The following POLR2F variants were observed in gnomAD, a reference collection of about 807,000 sequenced individuals.
POLR2F encodes the protein RNA polymerase II, I and III subunit F, also known as DNA-directed RNA polymerases I, II, and III subunit RPABC2.
In POLR2F, 12 loss-of-function variants were observed where a neutral mutation model predicts 22.7. That is an observed-to-expected ratio of 0.53 (90% CI 0.34 to 0.86). The LOEUF (loss-of-function observed/expected upper bound fraction) is 0.86, where lower values mean the gene tolerates loss of function less well. Among genes scored for constraint, POLR2F ranks in the 40% least tolerant of loss-of-function variants. POLR2F has a pLI of 0.02. For missense variants in POLR2F, 126 were observed against 171.5 expected (o/e 0.73, Z 1.48); for synonymous variants, 57 against 66.0 (o/e 0.86, Z 0.66).
At chr22:38,008,959 G>A (rs1415222671) in intron 1 of POLR2F, among the ~76,000 whole-genome samples, 4 of 152,214 alleles carry the variant, frequency 2.6e-5, no homozygotes, top group Non-Finnish European at 4.4e-5. Context: ...CAGGAGTAGA[G>A]GGGACAGTGA....
chr22:37,992,583 C>T (rs777726627), intron 1 of POLR2F, among the ~76,000 whole-genome samples: 13 of 152,186 alleles, frequency 8.5e-5, no homozygotes, highest in South Asian at 2.1e-4. Context: ...TCAGTAGAGA[C>T]GGATGGGGTT....
At chr22:38,040,562 C>G (rs545185858) in intron 5 of POLR2F, 3 of 159,746 alleles carry the variant, frequency 1.9e-5, no homozygotes, top group South Asian at 3.6e-4. Context: ...GATTTGTGTT[C>G]TAGAAAGGTT....
At chr22:38,039,716 C>T (rs1276395405) in intron 5 of POLR2F, among the ~76,000 whole-genome samples, 3 of 152,240 alleles carry the variant, frequency 2.0e-5, no homozygotes, top group Admixed American at 6.5e-5. Flanking sequence ...GGCATTCCAG[C>T]CGCGCACAGA....
At chr22:37,983,828 G>A, upstream of POLR2F, 2 of 1,362,738 alleles carry the variant, frequency 1.5e-6, no homozygotes, top group Non-Finnish European at 1.9e-6. The surrounding 1 kb of genome is among the most constrained non-coding windows in gnomAD (Gnocchi z 9.5). Context: ...CGCCTCCCCC[G>A]GGCCAGCCGC....
intron 4 of POLR2F, among the ~76,000 whole-genome samples, chr22:37,977,265 C>A (rs565524934): frequency 1.1e-4 from 16 of 151,858 alleles, no homozygotes; most frequent in African/African-American, 3.9e-4. Context: ...GTCTTCTCCC[C>A]CTTTACTTGT....
Position 38,016,331 on chromosome 22 carries a change from T to C in POLR2F, c.121-9538T>C, listed in dbSNP as rs1490747923. Among the ~76,000 whole-genome samples the C allele has an allele frequency of 6.6e-6, 1 of 152,194 alleles. No individual in the cohort carries two copies. The highest frequency in any genetic ancestry group is 2.4e-5 in the African/African-American group (1 of 41,450). ...GGACAAAGCCCCGGCCCAAAGGCAT[T>C]TGGGAGCCTGCTCCTCCCTCTGTAC... On this transcript the variant is annotated intron_variant, in intron 1 of 2. Transcript: ENST00000333418. The surrounding 1 kb of genome is among the most constrained non-coding windows in gnomAD (Gnocchi z 4.4).
intron 5 of POLR2F, chr22:38,040,911 C>T (rs1396729096): frequency 5.2e-6 from 6 of 1,164,408 alleles, no homozygotes; most frequent in Non-Finnish European, 6.2e-6. Flanking sequence ...GGGGCAAGGA[C>T]CCTGGACAGG....
chr22:37,993,140 GA>G (rs1326603172), intron 1 of POLR2F, among the ~76,000 whole-genome samples: 2 of 152,178 alleles, frequency 1.3e-5, no homozygotes, highest in African/African-American at 4.8e-5. Flanking sequence ...CCCTGGAGTG[GA>G]AAAGAGCTGT....
chr22:37,983,787 CGCCCCCG>C (rs1254362492), upstream of POLR2F: 8 of 1,433,984 alleles, frequency 5.6e-6, no homozygotes, highest in Non-Finnish European at 7.3e-6. The surrounding 1 kb of genome is among the most constrained non-coding windows in gnomAD (Gnocchi z 9.5). Context: ...TCCGCCATGT[CGCCCCCG>C]GCCGCCGCCG....
chr22:37,954,181 T>C (rs1931257043), intron 1 of POLR2F, among the ~76,000 whole-genome samples: 1 of 151,996 alleles, frequency 6.6e-6, no homozygotes, highest in Admixed American at 6.6e-5. Context: ...AGCAAGCAGG[T>C]AACGGTGGTC....
At chr22:37,986,009 CAA>C, upstream of POLR2F, 1 of 1,343,256 alleles carries the variant, frequency 7.4e-7, no homozygotes. The surrounding 1 kb of genome is among the most constrained non-coding windows in gnomAD (Gnocchi z 4.7). Flanking sequence ...CCGGCGCTGC[CAA>C]CCCTCCTCCC....
chr22:38,012,417 T>C (rs2145811018), intron 1 of POLR2F, among the ~76,000 whole-genome samples: 1 of 152,294 alleles, frequency 6.6e-6, no homozygotes, highest in South Asian at 2.1e-4. Context: ...ATTTTAGATT[T>C]ACAGAAGCGT....
chr22:37,974,691 G>C lies in POLR2F; in HGVS notation c.293+7521G>C, dbSNP rs1332490172. On this transcript the variant is annotated intron_variant, in intron 4 of 4. Transcript: ENST00000405557. The surrounding 1 kb of genome is among the most constrained non-coding windows in gnomAD (Gnocchi z 5.4). ...TACTGGTGTCTTAGATTGATCTCTAGTTGTTTATGAAATTCTCAAATCTTA... is the reference window on the plus strand; with the variant it reads ...TACTGGTGTCTTAGATTGATCTCTACTTGTTTATGAAATTCTCAAATCTTA... Among the ~76,000 whole-genome samples the C allele has an allele frequency of 6.6e-6, 1 of 152,156 alleles. No homozygotes were observed. The highest frequency in any genetic ancestry group is 1.5e-5 in the Non-Finnish European group (1 of 68,024).
chr22:37,990,591 T>G (rs1932705390), intron 1 of POLR2F, among the ~76,000 whole-genome samples: 1 of 152,226 alleles, frequency 6.6e-6, no homozygotes, highest in Non-Finnish European at 1.5e-5. Context: ...GACCAGACCT[T>G]GGCTTTGAGG....
chr22:37,959,322 C>A (rs918250099), intron 2 of POLR2F, 24 bp from the exon 3 acceptor site: 5 of 1,610,714 alleles, frequency 3.1e-6, no homozygotes, highest in Non-Finnish European at 4.2e-6. Context: ...TGAGTCTTTC[C>A]CTCTTTTTTG....
intron 1 of POLR2F, chr22:37,987,661 T>G (rs989488034): frequency 4.0e-5 from 12 of 297,378 alleles, no homozygotes; most frequent in African/African-American, 6.5e-5. Flanking sequence ...CAGCCTCAGT[T>G]TCCCCACACA....
intron 1 of POLR2F, among the ~76,000 whole-genome samples, chr22:38,019,270 G>A: frequency 6.6e-6 from 1 of 152,050 alleles, no homozygotes; most frequent in East Asian, 1.9e-4. Flanking sequence ...TAAGCTGCTG[G>A]TGCCGCTTCT....
chr22:38,033,684 T>C (rs1315760162), intron 5 of POLR2F, among the ~76,000 whole-genome samples: 1 of 152,210 alleles, frequency 6.6e-6, no homozygotes, highest in African/African-American at 2.4e-5. Flanking sequence ...TGTTTCCACT[T>C]GATTTCCTCA....
chr22:38,037,802 AG>A (rs969894598), intron 5 of POLR2F, among the ~76,000 whole-genome samples: 4 of 152,148 alleles, frequency 2.6e-5, no homozygotes, highest in Non-Finnish European at 5.9e-5. Flanking sequence ...CACGTTGGCC[AG>A]GATAGTCTTG....
Sources: allele counts gnomAD v4.1 joint callset (sites outside exome capture counted in the v4.1 genomes callset), GRCh38; gene constraint gnomAD v4.1.1; non-coding constraint Gnocchi (gnomAD v3.1); transcripts MANE v1.5; gene names NCBI Gene and HGNC (gene_info 2026-07-23, HGNC 2026-07-21).